ARAP2: variants seen among roughly 807,000 people sequenced by gnomAD.
ARAP2 encodes the protein ArfGAP with RhoGAP domain, ankyrin repeat and PH domain 2, also known as arf-GAP with Rho-GAP domain, ANK repeat and PH domain-containing protein 2.
A neutral mutation model predicts 194.5 loss-of-function variants in ARAP2; 148 were observed. That is an observed-to-expected ratio of 0.76 (90% CI 0.67 to 0.87). ARAP2 has a LOEUF of 0.87. Among genes scored for constraint, ARAP2 ranks in the 40% least tolerant of loss-of-function variants. The pLI, the probability that ARAP2 is intolerant of heterozygous loss-of-function variation, is 0.00. For synonymous variants in ARAP2, 695 were observed against 683.5 expected, an observed-to-expected ratio of 1.02 and a Z score of -0.26; for missense variants, 2,128 against 1,989.7, an observed-to-expected ratio of 1.07 and a Z score of -1.32.
chr4:36,218,614 T>A (rs1460232671), intron 2 of ARAP2, among the ~76,000 whole-genome samples: 2 of 152,096 alleles, frequency 1.3e-5, no homozygotes, highest in East Asian at 3.8e-4. Context: ...ATTATAAACC[T>A]CAGTGTAATA....
Position 36,210,644 on chromosome 4 carries a change from A to C in ARAP2, c.1233T>G (p.Ser411=). The C allele has an allele frequency of 1.2e-6, 2 of 1,613,854 alleles. No homozygotes were observed. Among genetic ancestry groups the C allele is most frequent in the Non-Finnish European group, 1.7e-6 (2 of 1,179,860 alleles). ...DKNNFLIDTA[S]ESEYSTVEEC... ...CTTCTACTGTTGAGTATTCTGATTC[A>C]GAAGCAGTGTCTATCAAAAAATTGT... The change falls in exon 6 of 33, where the codon TCT becomes TCG. Residue 411 remains serine, a synonymous_variant. Transcript: ENST00000303965.
At chr4:36,158,594 AT>A (rs1235405610) in intron 15 of ARAP2, 135 bp downstream of exon 15, 1 of 754,274 alleles carries the variant, frequency 1.3e-6, no homozygotes, top group Non-Finnish European at 2.1e-6. Context: ...ACCTAGAAGC[AT>A]TTATAAATCC....
chr4:36,201,612 A>G (rs1001340122), intron 6 of ARAP2, among the ~76,000 whole-genome samples: 1 of 152,298 alleles, frequency 6.6e-6, no homozygotes, highest in East Asian at 1.9e-4. Flanking sequence ...CAGGTGGTGT[A>G]AAGTTTCAAC....
intron 32 of ARAP2, among the ~76,000 whole-genome samples, chr4:36,071,700 TTC>T (rs1553886855): frequency 4.0e-5 from 6 of 150,840 alleles, no homozygotes; most frequent in African/African-American, 1.5e-4. Flanking sequence ...TTAATTTTTT[TTC>T]TTTTTTTTTT....
chr4:36,165,726 G>A (rs979052971), intron 10 of ARAP2, among the ~76,000 whole-genome samples: 9 of 152,094 alleles, frequency 5.9e-5, no homozygotes, highest in South Asian at 4.1e-4. Context: ...GGGAACTCGA[G>A]TGAATGAATA....
chr4:36,070,026 C>T (rs892424417), intron 32 of ARAP2, among the ~76,000 whole-genome samples: 1 of 152,048 alleles, frequency 6.6e-6, no homozygotes, highest in Admixed American at 6.6e-5. Context: ...TAAGGCTTCC[C>T]GAGAAGCCAA....
intron 9 of ARAP2, among the ~76,000 whole-genome samples, chr4:36,009,674 A>G (rs1217621516): frequency 6.6e-6 from 1 of 152,164 alleles, no homozygotes; most frequent in Non-Finnish European, 1.5e-5. Flanking sequence ...GAAGTTACAG[A>G]GTCCATTAAG....
At chr4:36,042,016 C>T (rs1263149431) in intron 5 of ARAP2, among the ~76,000 whole-genome samples, 1 of 151,964 alleles carries the variant, frequency 6.6e-6, no homozygotes, top group South Asian at 2.1e-4. Context: ...ACACTGGGGT[C>T]TACTTGAGGG....
At chr4:36,215,303 C>A (rs6856982) in intron 2 of ARAP2, among the ~76,000 whole-genome samples, 3 of 152,244 alleles carry the variant, frequency 2.0e-5, no homozygotes, top group African/African-American at 4.8e-5. Context: ...TTTGGTCCAT[C>A]GATTTAAGAA....
At chr4:36,074,279 C>A (rs997050233) in intron 31 of ARAP2, among the ~76,000 whole-genome samples, 2 of 152,034 alleles carry the variant, frequency 1.3e-5, no homozygotes, top group Admixed American at 6.6e-5. Context: ...AACTTTATGA[C>A]CTCTTGAAAA....
At chr4:36,009,772 A>G (rs544535950) in intron 9 of ARAP2, among the ~76,000 whole-genome samples, 60 of 139,006 alleles carry the variant, frequency 4.3e-4, no homozygotes, top group African/African-American at 1.4e-3. Flanking sequence ...CAGTTCTGAT[A>G]GAAGCCAGGG....
chr4:36,064,407 C>G (rs974134676), downstream of ARAP2, among the ~76,000 whole-genome samples: 2 of 152,116 alleles, frequency 1.3e-5, no homozygotes, highest in African/African-American at 2.4e-5. Flanking sequence ...AGTGGCCTAG[C>G]CAGAGGCAGG....
intron 14 of ARAP2, among the ~76,000 whole-genome samples, 197 bp downstream of exon 14, chr4:36,159,134 G>C (rs1336345197): frequency 6.6e-6 from 1 of 152,048 alleles, no homozygotes; most frequent in African/African-American, 2.4e-5. Flanking sequence ...TAAGATTACG[G>C]GAACATAAAA....
At chr4:36,014,324 G>A (rs11724971) in intron 8 of ARAP2, among the ~76,000 whole-genome samples, 11,247 of 109,712 alleles carry the variant, frequency 0.1, 1,168 homozygotes, top group East Asian at 0.24. Flanking sequence ...GAAAGAAAGA[G>A]AGAAAGAAAG....
intron 8 of ARAP2, among the ~76,000 whole-genome samples, chr4:36,180,109 C>G (rs1394396307): frequency 6.6e-6 from 1 of 151,994 alleles, no homozygotes; most frequent in Non-Finnish European, 1.5e-5. Flanking sequence ...CCGGTCTATA[C>G]TAAAACTACA....
In ARAP2 at chr4:36,117,123, C is replaced by T. The variant is rs777913223; in HGVS notation, c.3976G>A (p.Gly1326Arg). Residue 1326 changes from glycine (G) to arginine (R), a missense_variant, in exon 25 of 33, where the codon GGA (glycine) becomes AGA (arginine). Gly to Arg is a moderately radical substitution (Grantham distance 125). Coordinates refer to ENST00000303965, the MANE Select transcript of ARAP2 (RefSeq NM_015230.4). ...ACATATACTTCAATTAACAAATCTC[C>T]AGCCTGGGAAACCTAGAAAAGGGCA... ...KWKDTQVSQAGDLLIEVYVER... is the reference protein window; with the variant it reads ...KWKDTQVSQARDLLIEVYVER... 3 of 1,596,592 alleles carry T rather than the reference C, an allele frequency of 1.9e-6. No homozygotes were observed. The highest frequency in any genetic ancestry group is 2.6e-6 in the Non-Finnish European group (3 of 1,172,432).
chr4:36,064,469 C>T (rs924875120), downstream of ARAP2, among the ~76,000 whole-genome samples: 1 of 152,222 alleles, frequency 6.6e-6, no homozygotes, highest in Non-Finnish European at 1.5e-5. Flanking sequence ...GCTCCTGTCC[C>T]TGCAGGTAGT....
Position 36,196,206 on chromosome 4 carries a change from C to A in ARAP2, c.1488-2559G>T, listed in dbSNP as rs368220272. Reference sequence around the variant, plus strand: ...TTAAGATTAACTGCAGCCACTCCAACACTTAAAACTTTCTTAGAATTCCAT... The same window carrying A: ...TTAAGATTAACTGCAGCCACTCCAAAACTTAAAACTTTCTTAGAATTCCAT... On this transcript the variant is annotated intron_variant, in intron 6 of 32. Transcript: ENST00000303965. 9.2e-5 allele frequency among the ~76,000 whole-genome samples: 14 copies of A among 152,342 alleles called. No individual in the cohort carries two copies. In the East Asian group the frequency reaches 2.5e-3, roughly 27 times the overall value.
intron 23 of ARAP2, 63 bp from the exon 24 acceptor site, chr4:36,119,781 C>T: frequency 8.7e-7 from 1 of 1,147,888 alleles, no homozygotes; most frequent in South Asian, 1.5e-5. Flanking sequence ...TGACACTCAT[C>T]CTCATGTAAT....
Sources: allele counts gnomAD v4.1 joint callset (sites outside exome capture counted in the v4.1 genomes callset), GRCh38; gene constraint gnomAD v4.1.1; transcripts MANE v1.5; gene names NCBI Gene and HGNC (gene_info 2026-07-23, HGNC 2026-07-21).